Variants in ZNF560 observed in about 807,000 individuals in gnomAD.
The protein encoded by ZNF560 is zinc finger protein 560.
ZNF560 carries 54 observed loss-of-function variants against 81.8 expected under a neutral mutation model. That is an observed-to-expected ratio of 0.66 (90% CI 0.53 to 0.83). ZNF560 has a LOEUF of 0.83. Ranked by LOEUF, ZNF560 falls within the 40% of genes least tolerant of loss-of-function variation. The pLI, the probability that ZNF560 is intolerant of heterozygous loss-of-function variation, is 0.00. For synonymous variants in ZNF560, 321 were observed against 317.9 expected (o/e 1.01, Z -0.10); for missense variants, 940 against 932.4 (o/e 1.01, Z -0.11).
At chr19:9,482,243 G>A (rs529933650) in intron 2 of ZNF560, among the ~76,000 whole-genome samples, 1 of 152,072 alleles carries the variant, frequency 6.6e-6, no homozygotes, top group Admixed American at 6.5e-5. Flanking sequence ...TTGGACACAG[G>A]GTGGGGAATA....
the ZNF560 span, among the ~76,000 whole-genome samples, chr19:9,448,221 C>CAT: frequency 5.3e-5 from 8 of 151,348 alleles, 1 homozygote; most frequent in South Asian, 1.3e-3. Context: ...TTTGTGTGTG[C>CAT]GTGTGGCGGG....
chr19:9,485,576 C>T (rs1244813618), intron 2 of ZNF560, among the ~76,000 whole-genome samples: 3 of 148,200 alleles, frequency 2.0e-5, no homozygotes, highest in Admixed American at 6.7e-5. Flanking sequence ...GACAGAGTCT[C>T]GCTCTGTCAC....
chr19:9,450,989 A>G, the ZNF560 span, among the ~76,000 whole-genome samples: 389 of 152,366 alleles, frequency 2.6e-3, 2 homozygotes, highest in African/African-American at 9.1e-3. Context: ...AAAACAATGG[A>G]AAAACACCCC....
chr19:9,482,320 T>C (rs922645337), intron 2 of ZNF560, among the ~76,000 whole-genome samples: 3 of 151,926 alleles, frequency 2.0e-5, no homozygotes, highest in African/African-American at 7.3e-5. Context: ...AAATACCTAA[T>C]GTAAATGGCG....
At chr19:9,451,307 T>A in the ZNF560 span, among the ~76,000 whole-genome samples, 1 of 151,918 alleles carries the variant, frequency 6.6e-6, no homozygotes, top group Non-Finnish European at 1.5e-5. Flanking sequence ...GGTTAAAAAA[T>A]AAAAGAAGCC....
At chr19:9,491,837 A>C (rs959723690) in intron 2 of ZNF560, among the ~76,000 whole-genome samples, 12 of 111,470 alleles carry the variant, frequency 1.1e-4, no homozygotes, top group Admixed American at 1.0e-3. Flanking sequence ...AAAAAAAAAA[A>C]AAAAAAAACA....
chr19:9,475,886 A>T (rs548299107), intron 2 of ZNF560, among the ~76,000 whole-genome samples: 1 of 152,162 alleles, frequency 6.6e-6, no homozygotes, highest in African/African-American at 2.4e-5. Flanking sequence ...GATTACAGGC[A>T]TGAGCCACTG....
At position 9,474,306 on chromosome 19, in the gene ZNF560, T is replaced by C; in HGVS notation, c.50A>G (p.Asp17Gly). 1.9e-6 allele frequency: 3 copies of C among 1,613,748 alleles called. No homozygotes were observed. The highest frequency in any genetic ancestry group is 2.5e-6 in the Non-Finnish European group (3 of 1,179,820). Residue 17 changes from aspartate to glycine, a missense_variant, in exon 4 of 10, where the codon GAT becomes GGT. Physicochemically the swap from Asp to Gly is moderately conservative, Grantham distance 94 (BLOSUM62 -1). Coordinates refer to ENST00000301480, the MANE Select transcript of ZNF560 (RefSeq NM_152476.3). Reference sequence around the variant, plus strand: ...CTCCTGGGTGAAGTCCACAGCTGTATCCTCAAAGGTCACGGAGTACTAAAC... The same window carrying C: ...CTCCTGGGTGAAGTCCACAGCTGTACCCTCAAAGGTCACGGAGTACTAAAC... Reference protein sequence around the residue: ...NCYQYSVTFEDTAVDFTQEEW... With the variant: ...NCYQYSVTFEGTAVDFTQEEW...
At chr19:9,447,133 C>CAAAAAAAA in the ZNF560 span, among the ~76,000 whole-genome samples, 3 of 80,852 alleles carry the variant, frequency 3.7e-5, no homozygotes, top group African/African-American at 3.8e-5. Flanking sequence ...GACTCCGTCA[C>CAAAAAAAA]AAAAAAAAAA....
intron 2 of ZNF560, among the ~76,000 whole-genome samples, chr19:9,483,318 C>G (rs1456898162): frequency 6.6e-6 from 1 of 151,308 alleles, no homozygotes; most frequent in Admixed American, 6.6e-5. Context: ...GGCCGCGACC[C>G]CATCTGGGAG....
the ZNF560 span, among the ~76,000 whole-genome samples, chr19:9,460,674 A>C: frequency 6.6e-6 from 1 of 152,192 alleles, no homozygotes; most frequent in Admixed American, 6.5e-5. Flanking sequence ...CCTGGACGTA[A>C]TCACTCTATG....
At chr19:9,476,285 GT>G (rs917010279) in intron 2 of ZNF560, among the ~76,000 whole-genome samples, 2 of 150,936 alleles carry the variant, frequency 1.3e-5, no homozygotes, top group African/African-American at 2.4e-5. Flanking sequence ...CTGATGGTGG[GT>G]TTTTTTTTGT....
In ZNF560 at chr19:9,495,953, C is replaced by T. The variant is rs561887124; in HGVS notation, c.-57+2175G>A. ...ATTTCTCTCCAGAATAATTTTTACA[C>T]TTTACAATACATCCATTCAGAAACT... is the stretch of plus-strand genomic sequence containing the variant. On this transcript the variant is annotated intron_variant, in intron 2 of 9. Transcript: ENST00000301480. Among the ~76,000 whole-genome samples the T allele has an allele frequency of 1.6e-3, 240 of 152,282 alleles. 3 individuals carry two copies. Among genetic ancestry groups the T allele is most frequent in the African/African-American group, 5.4e-3 (224 of 41,552 alleles).
intron 2 of ZNF560, among the ~76,000 whole-genome samples, chr19:9,483,847 A>G (rs1298785773): frequency 1.3e-5 from 2 of 152,104 alleles, no homozygotes; most frequent in Non-Finnish European, 2.9e-5. Flanking sequence ...TTTGTCGAAT[A>G]GAAAAGGGGG....
chr19:9,448,781 C>T, the ZNF560 span, among the ~76,000 whole-genome samples: 1 of 152,134 alleles, frequency 6.6e-6, no homozygotes. Context: ...CAAGTACTAT[C>T]CTTCTGAGAC....
upstream of ZNF560, among the ~76,000 whole-genome samples, chr19:9,499,123 C>T (rs900803014): frequency 2.0e-5 from 3 of 152,086 alleles, no homozygotes; most frequent in Non-Finnish European, 4.4e-5. Context: ...TTTCAGTTAT[C>T]GATACTTTCT....
In ZNF560 at chr19:9,467,611, A is replaced by G; in HGVS notation, c.1336T>C (p.Ser446Pro). The change falls in exon 10 of 10, where the codon TCT (serine) becomes CCT (proline). Residue 446 changes from serine to proline, a missense_variant. Coordinates refer to ENST00000301480, the MANE Select transcript of ZNF560 (RefSeq NM_152476.3). ...HCGKAFISYP[S>P]LFGHLRVHNG... The stretch of plus-strand genomic sequence containing the variant: ...TGAACTCTCAAATGTCCAAAAAGAG[A>G]TGGGTAAGAAATAAAGGCTTTCCCA... 1 of 1,613,962 alleles carries G rather than the reference A, an allele frequency of 6.2e-7. No homozygotes were observed. Among genetic ancestry groups the G allele is most frequent in the Non-Finnish European group, 8.5e-7 (1 of 1,179,976 alleles).
the ZNF560 span, among the ~76,000 whole-genome samples, chr19:9,446,994 C>T: frequency 6.6e-6 from 1 of 151,936 alleles, no homozygotes; most frequent in African/African-American, 2.4e-5. Flanking sequence ...ATTAGCTGGG[C>T]ATGGTGGCGC....
intron 2 of ZNF560, among the ~76,000 whole-genome samples, chr19:9,489,651 G>A (rs1021630862): frequency 1.7e-4 from 26 of 151,930 alleles, no homozygotes; most frequent in African/African-American, 4.8e-4. Context: ...GTGCAGTGGC[G>A]TGACCTCGGC....
Sources: allele counts gnomAD v4.1 joint callset (sites outside exome capture counted in the v4.1 genomes callset), GRCh38; gene constraint gnomAD v4.1.1; transcripts MANE v1.5; gene names NCBI Gene and HGNC (gene_info 2026-07-23, HGNC 2026-07-21).